DMXL1: variants seen among roughly 807,000 people sequenced by gnomAD.
DMXL1 encodes dmX-like protein 1.
DMXL1 carries 99 observed loss-of-function variants against 319.2 expected under a neutral mutation model. That is an observed-to-expected ratio of 0.31 (90% CI 0.26 to 0.37). The LOEUF is 0.37. Among genes scored for constraint, DMXL1 ranks in the 10% least tolerant of loss-of-function variants. DMXL1 has a pLI of 1.00. For synonymous variants in DMXL1, 1,385 were observed against 1,235.2 expected (o/e 1.12, Z -2.54); for missense variants, 3,745 against 3,595.6 (o/e 1.04, Z -1.06).
rs1789968580 is a variant in DMXL1, at chr5:119,247,280, TAC to T, written c.*63_*64del. On this transcript the variant is annotated 3_prime_UTR_variant, in exon 44 of 44. Transcript: ENST00000539542. The stretch of plus-strand genomic sequence containing the variant: ...ATGGAAGTGGCCAACAGATATAATA[TAC>T]AGTGATCATTCTCTATGCCACAAAT... The T allele has an allele frequency of 8.8e-7, 1 of 1,137,918 alleles. No individual in the cohort carries two copies. The highest frequency in any genetic ancestry group is 2.2e-5 in the Admixed American group (1 of 45,022). The allele number at this position is 1,137,918 out of a possible 1,614,324, so 70.5% of individuals were successfully genotyped here.
rs1009120604 is a variant in DMXL1, at chr5:119,129,150, C to A, written c.1103-61C>A. ...ATGTAATAGTAATAAAAATATGAAACATGGATGTTTCATATGCTAGAAGGT... is the reference window on the plus strand; with the variant it reads ...ATGTAATAGTAATAAAAATATGAAAAATGGATGTTTCATATGCTAGAAGGT... On this transcript the variant is annotated intron_variant, in intron 9 of 43. Transcript: ENST00000539542. 15 of 988,294 alleles carry A rather than the reference C, an allele frequency of 1.5e-5. No individual in the cohort carries two copies. In the Admixed American group the frequency reaches 2.8e-4, roughly 19 times the overall value. The allele number at this position is 988,294 out of a possible 1,614,324, so 61.2% of individuals were successfully genotyped here.
intron 1 of DMXL1, among the ~76,000 whole-genome samples, chr5:119,097,759 A>G (rs1023546140): frequency 6.6e-6 from 1 of 152,156 alleles, no homozygotes; most frequent in Admixed American, 6.5e-5. Context: ...GAGTTGATGC[A>G]TATTTTGCAG....
intron 1 of DMXL1, among the ~76,000 whole-genome samples, chr5:119,084,399 C>T (rs987917621): frequency 1.3e-5 from 2 of 152,138 alleles, no homozygotes; most frequent in Admixed American, 6.6e-5. Context: ...GGATTTCAGG[C>T]GTGAGCCACT....
At chr5:119,098,381 G>C (rs985801358) in intron 2 of DMXL1, among the ~76,000 whole-genome samples, 3 of 152,060 alleles carry the variant, frequency 2.0e-5, no homozygotes, top group African/African-American at 7.2e-5. Context: ...AAGGTGATTG[G>C]ACTGGGGGAA....
intron 33 of DMXL1, among the ~76,000 whole-genome samples, chr5:119,204,304 A>G (rs912334718): frequency 3.3e-5 from 5 of 151,894 alleles, no homozygotes; most frequent in African/African-American, 1.2e-4. Context: ...TGCCTGGCTA[A>G]TTTTTTGTAT....
chr5:119,135,334 CAG>C (rs1261061964), intron 13 of DMXL1, among the ~76,000 whole-genome samples: 1 of 150,624 alleles, frequency 6.6e-6, no homozygotes, highest in African/African-American at 2.4e-5. Context: ...TGGATAGAAA[CAG>C]TGTTGCAGAA....
chr5:119,214,627 C>G (rs1296256864), intron 34 of DMXL1, among the ~76,000 whole-genome samples: 2 of 152,014 alleles, frequency 1.3e-5, no homozygotes, highest in Admixed American at 1.3e-4. Flanking sequence ...TTGACCCACC[C>G]CCATGACATT....
At chr5:119,139,168 A>C (rs1468946615) in intron 13 of DMXL1, among the ~76,000 whole-genome samples, 3 of 151,550 alleles carry the variant, frequency 2.0e-5, no homozygotes, top group African/African-American at 4.9e-5. Flanking sequence ...CTACCACCTA[A>C]TATAAAAACA....
At chr5:119,153,390 A>G (rs1378817223) in intron 19 of DMXL1, among the ~76,000 whole-genome samples, 1 of 152,274 alleles carries the variant, frequency 6.6e-6, no homozygotes, top group African/African-American at 2.4e-5. Flanking sequence ...ATTAAGTCAA[A>G]CTAAACATAT....
At chr5:119,143,763 TA>T in intron 13 of DMXL1, 77 bp from the exon 14 acceptor site, 1 of 932,172 alleles carries the variant, frequency 1.1e-6, no homozygotes. Context: ...ATTTATCTGT[TA>T]TGCTTGAAAT....
chr5:119,232,840 A>C (rs1056293536), intron 38 of DMXL1, among the ~76,000 whole-genome samples: 1 of 151,798 alleles, frequency 6.6e-6, no homozygotes, highest in Non-Finnish European at 1.5e-5. Flanking sequence ...CAAAATTACA[A>C]AAAAAACAGA....
At chr5:119,107,670 G>A (rs1337465398) in intron 4 of DMXL1, among the ~76,000 whole-genome samples, 1 of 152,026 alleles carries the variant, frequency 6.6e-6, no homozygotes, top group Non-Finnish European at 1.5e-5. Flanking sequence ...AATCTTTTAT[G>A]GGATATCTTA....
At position 119,133,238 on chromosome 5, in the gene DMXL1, C is replaced by T; in HGVS notation, c.1422C>T (p.Ala474=). Residue 474 remains alanine (A), a synonymous_variant, in exon 11 of 44, where the codon GCC becomes GCT. Transcript: ENST00000539542. ...GTTTTACATCATTATCGTCAGCTGC[C>T]ATTGATCATCAGATTGAAGTACTTC... ...NSSFTSLSSA[A]IDHQIEVLLS... 6.2e-7 allele frequency: 1 copy of T among 1,614,148 alleles called. No homozygotes were observed.
At chr5:119,084,952 CTT>C (rs1753028580) in intron 1 of DMXL1, among the ~76,000 whole-genome samples, 1 of 151,546 alleles carries the variant, frequency 6.6e-6, no homozygotes, top group Non-Finnish European at 1.5e-5. Context: ...CATGGAATAT[CTT>C]TCCATTTTTT....
chr5:119,237,475 A>G (rs1787967604), intron 40 of DMXL1, 61 bp downstream of exon 40: 1 of 1,021,256 alleles, frequency 9.8e-7, no homozygotes, highest in Middle Eastern at 2.3e-4. Context: ...TAAACCAAGA[A>G]TACGTATTTG....
chr5:119,167,549 A>G (rs1163918846), intron 22 of DMXL1, 54 bp from the exon 23 acceptor site: 2 of 1,424,172 alleles, frequency 1.4e-6, no homozygotes, highest in African/African-American at 1.4e-5. Context: ...AACAGAATTT[A>G]TCCTAAAATG....
chr5:119,199,159 A>AT (rs903741110), intron 32 of DMXL1, among the ~76,000 whole-genome samples: 2 of 152,042 alleles, frequency 1.3e-5, no homozygotes, highest in African/African-American at 4.8e-5. Context: ...AAGTGCTGGG[A>AT]TTTTAGCTGT....
chr5:119,124,436 C>T (rs1763030356), intron 9 of DMXL1, among the ~76,000 whole-genome samples: 1 of 151,756 alleles, frequency 6.6e-6, no homozygotes, highest in South Asian at 2.1e-4. Context: ...TTAATGCTAA[C>T]AAATAAGCAG....
intron 34 of DMXL1, among the ~76,000 whole-genome samples, chr5:119,209,959 G>A (rs982942339): frequency 6.6e-6 from 1 of 151,942 alleles, no homozygotes; most frequent in Admixed American, 6.6e-5. Context: ...CTGTTTACAA[G>A]GTGTTTTCAT....
Sources: allele counts gnomAD v4.1 joint callset (sites outside exome capture counted in the v4.1 genomes callset), GRCh38; gene constraint gnomAD v4.1.1; transcripts MANE v1.5; gene names NCBI Gene and HGNC (gene_info 2026-07-23, HGNC 2026-07-21).